DNAJC5: variants seen among roughly 807,000 people sequenced by gnomAD.
DNAJC5 encodes the protein dnaJ homolog subfamily C member 5.
In DNAJC5, 1 loss-of-function variant was observed where a neutral mutation model predicts 23.2. That is an observed-to-expected ratio of 0.04 (90% CI 0.02 to 0.20). The LOEUF is 0.20. Ranked by LOEUF, DNAJC5 falls within the 10% of genes least tolerant of loss-of-function variation. The pLI, the probability that DNAJC5 is intolerant of heterozygous loss-of-function variation, is 1.00. For missense variants in DNAJC5, 180 were observed against 267.0 expected, an observed-to-expected ratio of 0.67 and a Z score of 2.27; for synonymous variants, 136 against 120.0, an observed-to-expected ratio of 1.13 and a Z score of -0.87.
chr20:63,920,754 T>G lies in DNAJC5; in HGVS notation c.-11-7581T>G, dbSNP rs1200583456. ...GTGCAGTGGTGAGATCTCGGCTCACTGCAACCTCCCCCTCGAGGGTTCAAG... is the reference window on the plus strand; with the variant it reads ...GTGCAGTGGTGAGATCTCGGCTCACGGCAACCTCCCCCTCGAGGGTTCAAG... On this transcript the variant is annotated intron_variant, in intron 1 of 4. Transcript: ENST00000360864. This position sits in a 1 kb window ranked among gnomAD's most constrained non-coding sequence, Gnocchi z 4.6. 6.6e-6 allele frequency among the ~76,000 whole-genome samples: 1 copy of G among 151,938 alleles called. No homozygotes were observed.
intron 1 of DNAJC5, among the ~76,000 whole-genome samples, chr20:63,922,241 C>G (rs2053579366): frequency 6.6e-6 from 1 of 151,960 alleles, no homozygotes; most frequent in Non-Finnish European, 1.5e-5. Flanking sequence ...GCAGGCGGGT[C>G]ACCTGAGGTC....
At chr20:63,919,361 C>T (rs1214472421) in intron 1 of DNAJC5, 7 of 516,118 alleles carry the variant, frequency 1.4e-5, no homozygotes, top group African/African-American at 5.8e-5. Flanking sequence ...GTGATGGCAC[C>T]GACGTGTCCG....
At position 63,931,501 on chromosome 20, in the gene DNAJC5, C is replaced by T. The variant is rs2146309374; in HGVS notation, c.530C>T (p.Ser177Phe). The T allele has an allele frequency of 6.3e-7, 1 of 1,580,096 alleles. No homozygotes were observed. Among genetic ancestry groups the T allele is most frequent in the Middle Eastern group, 1.7e-4 (1 of 6,032 alleles). Residue 177 changes from serine to phenylalanine, a missense_variant, in exon 5 of 5, where the codon TCC becomes TTC. Coordinates refer to ENST00000360864, the MANE Select transcript of DNAJC5 (RefSeq NM_025219.3). The surrounding 1 kb of genome is among the most constrained non-coding windows in gnomAD (Gnocchi z 9.6). ...ACGCCGATCGTCATACAGCCGGCATCCGCCACCGAGACCACCCAGCTCACA... is the reference window on the plus strand; with the variant it reads ...ACGCCGATCGTCATACAGCCGGCATTCGCCACCGAGACCACCCAGCTCACA... ...TDTPIVIQPASATETTQLTAD... is the reference protein window; with the variant it reads ...TDTPIVIQPAFATETTQLTAD...
At position 63,932,847 on chromosome 20, in the gene DNAJC5, CT is replaced by C. The variant is rs570640728; in HGVS notation, c.*1281del. 1 of 151,966 alleles carries C rather than the reference CT, an allele frequency of 6.6e-6. No individual in the cohort carries two copies. The highest frequency in any genetic ancestry group is 1.9e-4 in the East Asian group (1 of 5,310). 9.4% of individuals were successfully genotyped at this position (151,966 alleles called of 1,614,324 possible). ...TCCACACGTGGACCATTGTGGGTCC[CT>C]TGGGAGGCCAGCAGCCAGACTACGG... On this transcript the variant is annotated 3_prime_UTR_variant, in exon 5 of 5. Transcript: ENST00000360864. This position sits in a 1 kb window ranked among gnomAD's most constrained non-coding sequence, Gnocchi z 4.4.
At chr20:63,922,243 C>T (rs968023548) in intron 1 of DNAJC5, among the ~76,000 whole-genome samples, 2 of 152,068 alleles carry the variant, frequency 1.3e-5, no homozygotes, top group South Asian at 2.1e-4. Flanking sequence ...AGGCGGGTCA[C>T]CTGAGGTCAG....
At chr20:63,908,019 G>C (rs1568977197) in intron 1 of DNAJC5, among the ~76,000 whole-genome samples, 1 of 152,190 alleles carries the variant, frequency 6.6e-6, no homozygotes, top group Non-Finnish European at 1.5e-5. Context: ...CCCCACCTTG[G>C]CCTCCCGAAG....
intron 1 of DNAJC5, among the ~76,000 whole-genome samples, chr20:63,898,764 C>A (rs2053390387): frequency 6.6e-6 from 1 of 152,122 alleles, no homozygotes; most frequent in Non-Finnish European, 1.5e-5. Context: ...TTGCTTGAAC[C>A]CGGGAGGCAG....
chr20:63,911,513 C>T (rs1273499580), intron 1 of DNAJC5, among the ~76,000 whole-genome samples: 2 of 152,170 alleles, frequency 1.3e-5, no homozygotes, highest in Non-Finnish European at 2.9e-5. Flanking sequence ...GATTCACTTC[C>T]TCTCGTACTT....
intron 1 of DNAJC5, among the ~76,000 whole-genome samples, chr20:63,921,266 T>G (rs1161789782): frequency 6.6e-6 from 1 of 152,102 alleles, no homozygotes; most frequent in African/African-American, 2.4e-5. Flanking sequence ...GCCACCTTGT[T>G]TGCTTTTTAA....
chr20:63,901,438 G>T (rs1439688562), intron 1 of DNAJC5, among the ~76,000 whole-genome samples: 2 of 152,214 alleles, frequency 1.3e-5, no homozygotes. Flanking sequence ...CACCAGGTAG[G>T]GTGGAAATGT....
At chr20:63,914,164 T>TA (rs2053501065) in intron 1 of DNAJC5, among the ~76,000 whole-genome samples, 1 of 152,196 alleles carries the variant, frequency 6.6e-6, no homozygotes, top group Admixed American at 6.5e-5. Flanking sequence ...CTTCAGTCCT[T>TA]ACAGCCCAGA....
At chr20:63,902,880 TG>T (rs1319173265) in intron 1 of DNAJC5, among the ~76,000 whole-genome samples, 2 of 151,172 alleles carry the variant, frequency 1.3e-5, no homozygotes, top group Non-Finnish European at 2.9e-5. Context: ...GATTTCATCG[TG>T]TTAGCCAGGA....
At chr20:63,895,395 G>C (rs1231912338) in intron 1 of DNAJC5, 72 bp downstream of exon 1, 2 of 147,318 alleles carry the variant, frequency 1.4e-5, no homozygotes, top group Non-Finnish European at 3.0e-5. Context: ...GCGGGCGCGG[G>C]TGGGGGGCGG....
chr20:63,904,555 C>G (rs574620191), intron 1 of DNAJC5, among the ~76,000 whole-genome samples: 1 of 152,248 alleles, frequency 6.6e-6, no homozygotes, highest in Admixed American at 6.5e-5. Context: ...TGTCTGACCT[C>G]CAGGTGGGCG....
At chr20:63,897,882 CAG>C (rs1215054454) in intron 1 of DNAJC5, among the ~76,000 whole-genome samples, 2 of 152,162 alleles carry the variant, frequency 1.3e-5, no homozygotes, top group Non-Finnish European at 2.9e-5. Context: ...TACATTAACT[CAG>C]AGTGAGTGGG....
chr20:63,908,422 G>T (rs1349011791), intron 1 of DNAJC5, among the ~76,000 whole-genome samples: 1 of 152,186 alleles, frequency 6.6e-6, no homozygotes, highest in African/African-American at 2.4e-5. Context: ...TCTGTGTCTT[G>T]AGCTTCTGCT....
In DNAJC5 at chr20:63,929,402, C is replaced by A; in HGVS notation, c.198C>A (p.Ile66=). The A allele has an allele frequency of 6.2e-7, 1 of 1,614,172 alleles. No homozygotes were observed. The highest frequency in any genetic ancestry group is 8.5e-7 in the Non-Finnish European group (1 of 1,180,036). ...AGGAGATCAACAACGCGCACGCCAT[C>A]CTCACGGACGCCACAAAAAGGAACA... ...KFKEINNAHA[I]LTDATKRNIY... Residue 66 remains isoleucine, a synonymous_variant, in exon 3 of 5, where the codon ATC becomes ATA. Coordinates refer to ENST00000360864, the MANE Select transcript of DNAJC5 (RefSeq NM_025219.3). The surrounding 1 kb of genome is among the most constrained non-coding windows in gnomAD (Gnocchi z 8.6).
At chr20:63,915,376 C>T (rs779110951) in intron 1 of DNAJC5, among the ~76,000 whole-genome samples, 21 of 149,168 alleles carry the variant, frequency 1.4e-4, no homozygotes, top group Middle Eastern at 3.2e-3. Flanking sequence ...GGCATTTAAA[C>T]GGTTCAGATG....
chr20:63,932,295 C>A lies in DNAJC5; in HGVS notation c.*727C>A, dbSNP rs75130625. 0.068 allele frequency: 10,336 copies of A among 152,230 alleles called. 480 individuals carry two copies. Among genetic ancestry groups the A allele is most frequent in the Non-Finnish European group, 0.079 (5,379 of 68,154 alleles). 9.4% of individuals were successfully genotyped at this position (152,230 alleles called of 1,614,324 possible). On this transcript the variant is annotated 3_prime_UTR_variant, in exon 5 of 5. Coordinates refer to ENST00000360864, the MANE Select transcript of DNAJC5 (RefSeq NM_025219.3). This position sits in a 1 kb window ranked among gnomAD's most constrained non-coding sequence, Gnocchi z 4.4. Reference sequence around the variant, plus strand: ...TCCTCCGCGGTGTTTCTCGCCTGGTCGTCTCGTCGTGTGGACGCTGCCGTT... The same window carrying A: ...TCCTCCGCGGTGTTTCTCGCCTGGTAGTCTCGTCGTGTGGACGCTGCCGTT...
Sources: allele counts gnomAD v4.1 joint callset (sites outside exome capture counted in the v4.1 genomes callset), GRCh38; gene constraint gnomAD v4.1.1; non-coding constraint Gnocchi (gnomAD v3.1); transcripts MANE v1.5; gene names NCBI Gene and HGNC (gene_info 2026-07-23, HGNC 2026-07-21).